Variants in GRAMD2B observed in about 807,000 individuals in gnomAD.
GRAMD2B encodes the protein GRAM domain containing 2B, also known as GRAM domain-containing protein 2B.
Under a neutral mutation model 59.2 loss-of-function variants are expected in GRAMD2B, and 41 were observed. That is an observed-to-expected ratio of 0.69 (90% CI 0.54 to 0.90). GRAMD2B has a LOEUF of 0.90. GRAMD2B is among the 40% of genes least tolerant of loss of function. The pLI is 0.00. For missense variants in GRAMD2B, 424 were observed against 500.5 expected, an observed-to-expected ratio of 0.85 and a Z score of 1.46; for synonymous variants, 161 against 182.7, an observed-to-expected ratio of 0.88 and a Z score of 0.96.
At chr5:126,387,195 A>C (rs1401211888) in intron 1 of GRAMD2B, among the ~76,000 whole-genome samples, 1 of 152,042 alleles carries the variant, frequency 6.6e-6, no homozygotes, top group South Asian at 2.1e-4. Flanking sequence ...ATAAATAAAT[A>C]ATAATAAAGA....
chr5:126,372,476 A>C (rs1754848257), intron 1 of GRAMD2B, among the ~76,000 whole-genome samples: 1 of 152,168 alleles, frequency 6.6e-6, no homozygotes, highest in African/African-American at 2.4e-5. Flanking sequence ...GCTTTCAAAA[A>C]TTTAATAGAA....
Position 126,477,759 on chromosome 5 carries a change from C to G in GRAMD2B, c.554C>G (p.Ala185Gly). 1.2e-6 allele frequency: 2 copies of G among 1,611,430 alleles called. No individual in the cohort carries two copies. The highest frequency in any genetic ancestry group is 1.7e-6 in the Non-Finnish European group (2 of 1,177,568). Reference sequence around the variant, plus strand: ...AAAACTGCTCTTCTAGTGCCAAACGCCCTGATCATAGCAACAGTCACAGAC... The same window carrying G: ...AAAACTGCTCTTCTAGTGCCAAACGGCCTGATCATAGCAACAGTCACAGAC... ...KTKTALLVPN[A>G]LIIATVTDRY... Residue 185 changes from alanine (A) to glycine (G), a missense_variant, in exon 6 of 14, where the codon GCC becomes GGC. Physicochemically the swap from Ala to Gly is moderately conservative, Grantham distance 60. Transcript: ENST00000285689.
At chr5:126,456,973 A>T (rs1161925614) in intron 1 of GRAMD2B, among the ~76,000 whole-genome samples, 1 of 151,648 alleles carries the variant, frequency 6.6e-6, no homozygotes, top group Non-Finnish European at 1.5e-5. Context: ...CAGGCAGATC[A>T]CAAGGTCAGG....
chr5:126,418,470 C>T (rs751106202), upstream of GRAMD2B, among the ~76,000 whole-genome samples: 1 of 152,196 alleles, frequency 6.6e-6, no homozygotes, highest in Non-Finnish European at 1.5e-5. Context: ...CTTGCCTATT[C>T]CTCTGAGCAT....
intron 6 of GRAMD2B, among the ~76,000 whole-genome samples, chr5:126,479,361 A>G (rs940858929): frequency 2.0e-5 from 3 of 152,072 alleles, no homozygotes; most frequent in African/African-American, 7.2e-5. Context: ...TTCTAACCAT[A>G]CTAGAAAACT....
chr5:126,362,159 ACT>A (rs753601530), intron 1 of GRAMD2B, among the ~76,000 whole-genome samples: 17 of 152,080 alleles, frequency 1.1e-4, no homozygotes, highest in Non-Finnish European at 1.8e-4. Context: ...TTATGACCTG[ACT>A]CACGTGTTAA....
chr5:126,466,396 C>A, intron 2 of GRAMD2B: 1 of 768,674 alleles, frequency 1.3e-6, no homozygotes, highest in Non-Finnish European at 2.3e-6. Flanking sequence ...ATTATCTCTC[C>A]ATCTTTCCTG....
At chr5:126,373,972 A>G (rs993698176) in intron 1 of GRAMD2B, among the ~76,000 whole-genome samples, 8 of 152,238 alleles carry the variant, frequency 5.3e-5, no homozygotes, top group African/African-American at 1.9e-4. Context: ...AGAGTGTCAT[A>G]ACGTGACATT....
At chr5:126,370,437 G>T (rs950575379), upstream of GRAMD2B, among the ~76,000 whole-genome samples, 2 of 152,154 alleles carry the variant, frequency 1.3e-5, no homozygotes, top group Non-Finnish European at 2.9e-5. Flanking sequence ...CTAATCACAA[G>T]GGGAACAAGG....
At chr5:126,393,491 C>A (rs113209238) in intron 1 of GRAMD2B, among the ~76,000 whole-genome samples, 1 of 152,090 alleles carries the variant, frequency 6.6e-6, no homozygotes, top group East Asian at 1.9e-4. Flanking sequence ...ATAGTAAATT[C>A]TTATTTAGCA....
intron 1 of GRAMD2B, among the ~76,000 whole-genome samples, chr5:126,440,483 T>C (rs10052043): frequency 0.097 from 14,787 of 152,212 alleles, 1,651 homozygotes; most frequent in African/African-American, 0.27. Context: ...AATCCAAATA[T>C]ATCTGGAGGT....
intron 1 of GRAMD2B, among the ~76,000 whole-genome samples, chr5:126,454,206 C>T (rs901930418): frequency 1.3e-5 from 2 of 152,158 alleles, no homozygotes; most frequent in African/African-American, 4.8e-5. Flanking sequence ...GGTCTTGGCT[C>T]GTGTCCAGAT....
intron 1 of GRAMD2B, among the ~76,000 whole-genome samples, chr5:126,371,765 G>A (rs983332771): frequency 2.0e-5 from 3 of 152,162 alleles, no homozygotes; most frequent in Non-Finnish European, 4.4e-5. Flanking sequence ...TGAGCAAATA[G>A]AACTATTATT....
rs1451706281 is a variant in GRAMD2B at position 126,483,475 on chromosome 5, G to T, written c.748G>T (p.Glu250Ter). The T allele has an allele frequency of 6.2e-7, 1 of 1,605,082 alleles. No homozygotes were observed. Among genetic ancestry groups the T allele is most frequent in the South Asian group, 1.1e-5 (1 of 90,744 alleles). ...PSSLPLDFND[E>*]FSDLDGVVQQ... is the part of the protein sequence containing the mutation. ...TGTTTCCTTTCAGGATTTCAATGAT[G>T]AATTCTCAGATCTGGATGGAGTGGT... Residue 250 changes from glutamate (E) to a stop codon, truncating the protein, a stop_gained, in exon 9 of 14, where the codon GAA becomes TAA. Coordinates refer to ENST00000285689, the MANE Select transcript of GRAMD2B (RefSeq NM_023927.4). LOFTEE classifies it high-confidence loss of function.
At chr5:126,433,679 G>A (rs1472245574) in intron 1 of GRAMD2B, 1 of 152,146 alleles carries the variant, frequency 6.6e-6, no homozygotes, top group South Asian at 2.1e-4. Flanking sequence ...TTCAGTTGAA[G>A]CTCTACGTCC....
intron 1 of GRAMD2B, among the ~76,000 whole-genome samples, chr5:126,406,756 C>T (rs1184775585): frequency 6.6e-6 from 1 of 151,840 alleles, no homozygotes; most frequent in Non-Finnish European, 1.5e-5. Context: ...AAAGAAGCAG[C>T]CTTTAGGTTT....
rs1189966377 is a variant in GRAMD2B at position 126,472,140 on chromosome 5, A to G, written c.316-98A>G. On this transcript the variant is annotated intron_variant, in intron 3 of 13. Transcript: ENST00000285689. ...GATCAGTGAGAAGGAATTCCTAAAG[A>G]TACTATTAAGGGAGGGAAAATTTGT... 1.3e-5 allele frequency: 11 copies of G among 861,164 alleles called. No individual in the cohort carries two copies. The African/African-American group carries it at 1.5e-4, about 12-fold the overall frequency. The allele number at this position is 861,164 out of a possible 1,614,324, so 53.3% of individuals were successfully genotyped here.
chr5:126,366,941 G>A (rs1461309549), upstream of GRAMD2B, among the ~76,000 whole-genome samples: 2 of 139,692 alleles, frequency 1.4e-5, no homozygotes, highest in Non-Finnish European at 3.0e-5. Context: ...AAAAACCTCC[G>A]CCTTCCGGAT....
chr5:126,389,947 CA>C (rs1756578532), intron 1 of GRAMD2B, among the ~76,000 whole-genome samples: 3 of 149,476 alleles, frequency 2.0e-5, no homozygotes, highest in Admixed American at 6.7e-5. Context: ...GACTCTGTCT[CA>C]AAAAAAAAGA....
Sources: gnomAD v4.1 joint callset for allele counts (sites outside exome capture counted in the v4.1 genomes callset) on GRCh38, gnomAD v4.1.1 for gene constraint, MANE v1.5 for transcripts, NCBI Gene and HGNC (gene_info 2026-07-23, HGNC 2026-07-21) for gene names.